GALNT13: variants seen among roughly 807,000 people sequenced by gnomAD.
The protein encoded by GALNT13 is polypeptide N-acetylgalactosaminyltransferase 13, also known as UDP-GalNAc:polypeptide N-acetylgalactosaminyltransferase 13.
In GALNT13, 28 loss-of-function variants were observed where a neutral mutation model predicts 64.2. The ratio of observed to expected loss-of-function variants is 0.44; its 90% CI spans 0.32 to 0.60. GALNT13 has a LOEUF of 0.60. Ranked by LOEUF, GALNT13 falls within the 20% of genes least tolerant of loss-of-function variation. GALNT13 has a pLI of 0.05. For synonymous variants in GALNT13, 214 were observed against 224.6 expected, an observed-to-expected ratio of 0.95 and a Z score of 0.42; for missense variants, 577 against 669.8, an observed-to-expected ratio of 0.86 and a Z score of 1.53.
the GALNT13 span, among the ~76,000 whole-genome samples, chr2:153,633,013 G>C: frequency 6.6e-6 from 1 of 151,832 alleles, no homozygotes; most frequent in Non-Finnish European, 1.5e-5. Context: ...CACCCGCTTC[G>C]GCCTCCCAAA....
chr2:153,347,191 C>T, the GALNT13 span, among the ~76,000 whole-genome samples: 2 of 152,316 alleles, frequency 1.3e-5, no homozygotes, highest in South Asian at 4.1e-4. Flanking sequence ...CCAACCTGGC[C>T]TTAGCCTGCC....
the GALNT13 span, among the ~76,000 whole-genome samples, chr2:153,715,631 A>G: frequency 6.6e-6 from 1 of 152,226 alleles, no homozygotes; most frequent in Non-Finnish European, 1.5e-5. Context: ...TCAACTTTTC[A>G]AACAGCAAAT....
chr2:153,847,153 C>A, the GALNT13 span, among the ~76,000 whole-genome samples: 1 of 151,822 alleles, frequency 6.6e-6, no homozygotes, highest in South Asian at 2.1e-4. Flanking sequence ...ACAAAGAACA[C>A]CTTTCACAAT....
chr2:154,018,112 T>A (rs949501911), intron 3 of GALNT13, among the ~76,000 whole-genome samples: 2 of 152,230 alleles, frequency 1.3e-5, no homozygotes, highest in African/African-American at 4.8e-5. Context: ...AGGAATTCAA[T>A]GGCAGTAGCA....
At chr2:154,341,946 T>C (rs1263746873) in intron 9 of GALNT13, among the ~76,000 whole-genome samples, 3 of 152,194 alleles carry the variant, frequency 2.0e-5, no homozygotes, top group Admixed American at 2.0e-4. Flanking sequence ...TGAACAGATA[T>C]GTGTTGTAAA....
the GALNT13 span, among the ~76,000 whole-genome samples, chr2:153,351,524 T>C: frequency 1.3e-5 from 2 of 152,218 alleles, no homozygotes; most frequent in Non-Finnish European, 2.9e-5. Flanking sequence ...GTACAGCCTA[T>C]GGATTTGGAC....
At chr2:153,620,676 T>G in the GALNT13 span, among the ~76,000 whole-genome samples, 1 of 152,052 alleles carries the variant, frequency 6.6e-6, no homozygotes, top group Non-Finnish European at 1.5e-5. Context: ...ATGTTTTATC[T>G]TGAATTTTTT....
the GALNT13 span, among the ~76,000 whole-genome samples, chr2:153,691,799 G>A: frequency 5.2e-4 from 79 of 152,114 alleles, no homozygotes; most frequent in Non-Finnish European, 9.3e-4. Flanking sequence ...TTGAAAATTG[G>A]CACAGTCACT....
intron 9 of GALNT13, among the ~76,000 whole-genome samples, chr2:154,325,328 A>C (rs1465392740): frequency 6.6e-6 from 1 of 152,078 alleles, no homozygotes; most frequent in Non-Finnish European, 1.5e-5. Flanking sequence ...GATTATTCAA[A>C]GCCATCTTAA....
intron 3 of GALNT13, among the ~76,000 whole-genome samples, chr2:154,030,700 G>T (rs1048444869): frequency 2.0e-5 from 3 of 152,194 alleles, no homozygotes; most frequent in Admixed American, 6.6e-5. Context: ...TCTCATGATG[G>T]TGAGTGAGTT....
the GALNT13 span, among the ~76,000 whole-genome samples, chr2:153,345,635 T>TTTTCTTTCTTTCTTTCTTTC: frequency 9.4e-4 from 65 of 68,858 alleles, 3 homozygotes; most frequent in South Asian, 2.7e-3. Context: ...TTTCCTTTCT[T>TTTTCTTTCTTTCTTTCTTTC]TTTCTTTCTT....
chr2:153,892,378 C>T (rs1399052234), intron 1 of GALNT13, among the ~76,000 whole-genome samples: 2 of 151,946 alleles, frequency 1.3e-5, no homozygotes, highest in Non-Finnish European at 2.9e-5. Context: ...TTAACATAAT[C>T]TCTTGCAATG....
the GALNT13 span, among the ~76,000 whole-genome samples, chr2:153,099,828 C>T: frequency 1.3e-5 from 2 of 152,148 alleles, no homozygotes; most frequent in African/African-American, 4.8e-5. Context: ...TCTTCTCACA[C>T]AGTATGCAGC....
chr2:153,352,984 A>C, the GALNT13 span, among the ~76,000 whole-genome samples: 3 of 152,096 alleles, frequency 2.0e-5, no homozygotes, highest in African/African-American at 7.2e-5. Flanking sequence ...GTTGATATCC[A>C]CAAAATAACT....
chr2:153,153,266 ATTTG>A, the GALNT13 span, among the ~76,000 whole-genome samples: 6 of 151,906 alleles, frequency 3.9e-5, no homozygotes, highest in African/African-American at 1.5e-4. Flanking sequence ...GTTCCTGTAA[ATTTG>A]TTTAAGTTCC....
intron 2 of GALNT13, among the ~76,000 whole-genome samples, chr2:153,921,549 A>C (rs1263100430): frequency 1.3e-5 from 2 of 152,146 alleles, no homozygotes; most frequent in Non-Finnish European, 2.9e-5. Flanking sequence ...TAATCTGTAC[A>C]CCAGTCCCCT....
At chr2:153,889,245 C>T (rs1394563153) in intron 1 of GALNT13, among the ~76,000 whole-genome samples, 1 of 151,910 alleles carries the variant, frequency 6.6e-6, no homozygotes, top group Non-Finnish European at 1.5e-5. Flanking sequence ...TCAGTTCCTT[C>T]ATTAACTCTA....
At chr2:154,025,022 A>T (rs1697842018) in intron 3 of GALNT13, among the ~76,000 whole-genome samples, 1 of 152,160 alleles carries the variant, frequency 6.6e-6, no homozygotes, top group South Asian at 2.1e-4. Context: ...TGGGTGAACC[A>T]CAGATGCTGC....
chr2:153,183,205 G>T, the GALNT13 span, among the ~76,000 whole-genome samples: 1 of 152,154 alleles, frequency 6.6e-6, no homozygotes, highest in African/African-American at 2.4e-5. Flanking sequence ...TTGTGGTTTT[G>T]ATTTGCATTT....
Sources: allele counts gnomAD v4.1 joint callset (sites outside exome capture counted in the v4.1 genomes callset), GRCh38; gene constraint gnomAD v4.1.1; transcripts MANE v1.5; gene names NCBI Gene and HGNC (gene_info 2026-07-23, HGNC 2026-07-21).